Variants in RFC3 observed in about 807,000 individuals in gnomAD.
The protein encoded by RFC3 is A1 38 kDa subunit.
RFC3 carries 41 observed loss-of-function variants against 45.1 expected under a neutral mutation model. The observed-to-expected ratio is 0.91, with a 90% CI of 0.71 to 1.18. The LOEUF (loss-of-function observed/expected upper bound fraction) is 1.18, where lower values mean the gene tolerates loss of function less well. Ranked by LOEUF, RFC3 falls within the 50% of genes most tolerant of loss-of-function variation. The probability of loss-of-function intolerance (pLI) is 0.00; values close to 1 mark genes in which losing one functional copy is unlikely to be tolerated. For missense variants in RFC3, 423 were observed against 428.1 expected, an observed-to-expected ratio of 0.99 and a Z score of 0.10; for synonymous variants, 149 against 144.0, an observed-to-expected ratio of 1.03 and a Z score of -0.25.
At chr13:33,831,050 A>G (rs961827885) in intron 6 of RFC3, among the ~76,000 whole-genome samples, 195 bp downstream of exon 6, 1 of 152,194 alleles carries the variant, frequency 6.6e-6, no homozygotes, top group African/African-American at 2.4e-5. Flanking sequence ...TAAGCAGTTC[A>G]CAATACGGTT....
At chr13:33,928,278 C>G (rs571155261) in intron 8 of RFC3, among the ~76,000 whole-genome samples, 2 of 152,022 alleles carry the variant, frequency 1.3e-5, no homozygotes, top group African/African-American at 4.8e-5. Flanking sequence ...GAAATGACAA[C>G]TTGAGATGCA....
At chr13:33,849,350 A>G (rs7319222) in intron 8 of RFC3, 106,864 of 152,110 alleles carry the variant, frequency 0.7, 42,112 homozygotes, top group Non-Finnish European at 0.9. Flanking sequence ...ATTCTGGTAA[A>G]TGTTTAGCAG....
At chr13:33,830,097 A>G in intron 5 of RFC3, 80 bp downstream of exon 5, 1 of 1,286,190 alleles carries the variant, frequency 7.8e-7, no homozygotes, top group Admixed American at 1.9e-5. Context: ...AAAGAAGGGA[A>G]TCGTATCAGT....
In RFC3 at chr13:33,825,783, G is replaced by T; in HGVS notation, c.294-6G>T. 1.3e-6 allele frequency: 2 copies of T among 1,572,496 alleles called. No individual in the cohort carries two copies. The highest frequency in any genetic ancestry group is 1.7e-6 in the Non-Finnish European group (2 of 1,154,446). On this transcript the variant is annotated splice_region_variant and splice_polypyrimidine_tract_variant and intron_variant, in intron 3 of 8. Transcript: ENST00000380071. ...TACTATATACCATTATTTTTGTTTT[G>T]TGTAGTGATGCTGGAAATAGTGACC...
At chr13:33,843,564 T>C (rs1318543741) in intron 8 of RFC3, among the ~76,000 whole-genome samples, 1 of 152,218 alleles carries the variant, frequency 6.6e-6, no homozygotes, top group Non-Finnish European at 1.5e-5. Context: ...GGAAAGAGCT[T>C]GACACAGTTT....
intron 8 of RFC3, chr13:33,847,700 AT>A (rs1256547830): frequency 6.6e-6 from 1 of 152,034 alleles, no homozygotes; most frequent in African/African-American, 2.4e-5. Flanking sequence ...TTAGTTTGCA[AT>A]CCATTTTAAT....
intron 8 of RFC3, among the ~76,000 whole-genome samples, chr13:33,947,931 A>C (rs887145318): frequency 3.3e-5 from 5 of 152,228 alleles, no homozygotes; most frequent in Non-Finnish European, 7.3e-5. Flanking sequence ...CAGAGCATAA[A>C]TGTTTGGAAA....
rs746641947 is a variant in RFC3 at position 33,835,234 on chromosome 13, T to A, written c.879+17T>A. 19 of 1,570,368 alleles carry A rather than the reference T, an allele frequency of 1.2e-5. No individual in the cohort carries two copies. The highest frequency in any genetic ancestry group is 1.7e-5 in the Non-Finnish European group (19 of 1,140,468). On this transcript the variant is annotated intron_variant, in intron 8 of 8. Transcript: ENST00000380071. ...ATAATGAAGGTAACCCAATTTCAGATCTTGAACTTTTTACAGCTATAAAAT... is the reference window on the plus strand; with the variant it reads ...ATAATGAAGGTAACCCAATTTCAGAACTTGAACTTTTTACAGCTATAAAAT...
chr13:33,969,323 T>C (rs1417530710), downstream of RFC3, among the ~76,000 whole-genome samples: 1 of 152,232 alleles, frequency 6.6e-6, no homozygotes, highest in East Asian at 1.9e-4. Flanking sequence ...AGGTGAACCT[T>C]GGCAACTTAG....
At position 33,836,390 on chromosome 13, in the gene RFC3, A is replaced by G; in HGVS notation, c.*95A>G. On this transcript the variant is annotated 3_prime_UTR_variant, in exon 9 of 9. Coordinates refer to ENST00000380071, the MANE Select transcript of RFC3 (RefSeq NM_002915.4). ...GTGGGTAAATTAACTGAACTTAATC[A>G]TGTCGTATTTGCGTTTTTTTGGTAA... is the stretch of plus-strand genomic sequence containing the variant. 2 of 1,514,458 alleles carry G rather than the reference A, an allele frequency of 1.3e-6. No individual in the cohort carries two copies. Among genetic ancestry groups the G allele is most frequent in the South Asian group, 1.3e-5 (1 of 75,544 alleles). The allele number at this position is 1,514,458 out of a possible 1,614,324, so 93.8% of individuals were successfully genotyped here.
intron 2 of RFC3, among the ~76,000 whole-genome samples, chr13:33,822,576 A>G (rs1257554444): frequency 6.6e-6 from 1 of 152,170 alleles, no homozygotes; most frequent in South Asian, 2.1e-4. Flanking sequence ...GAAACTGGAA[A>G]GAGAGCTTAG....
At chr13:33,860,659 A>C (rs1271156730) in intron 8 of RFC3, among the ~76,000 whole-genome samples, 1 of 152,182 alleles carries the variant, frequency 6.6e-6, no homozygotes, top group African/African-American at 2.4e-5. Flanking sequence ...CCTGCAGGCC[A>C]AGGCAAGGAG....
chr13:33,832,733 A>G (rs1389479952), intron 7 of RFC3, among the ~76,000 whole-genome samples: 1 of 152,160 alleles, frequency 6.6e-6, no homozygotes, highest in Non-Finnish European at 1.5e-5. Flanking sequence ...ATAAAATTCA[A>G]ATAAAGCATG....
chr13:33,834,302 A>ATTT (rs1165929081), intron 7 of RFC3, among the ~76,000 whole-genome samples: 11 of 13,492 alleles, frequency 8.2e-4, no homozygotes, highest in African/African-American at 1.2e-3. Flanking sequence ...CTGTGTGTAT[A>ATTT]TATATATATA....
the RFC3 span, among the ~76,000 whole-genome samples, chr13:33,975,870 C>T: frequency 4.1e-3 from 619 of 152,268 alleles, 1 homozygote; most frequent in African/African-American, 0.014. Flanking sequence ...CTTGCTCTGT[C>T]AGCAGAGGGG....
At chr13:33,951,250 T>G (rs2082989105) in intron 8 of RFC3, among the ~76,000 whole-genome samples, 1 of 148,168 alleles carries the variant, frequency 6.7e-6, no homozygotes, top group South Asian at 2.1e-4. Context: ...TTTTTTTTTT[T>G]GAGACAGAGT....
chr13:33,895,364 A>G (rs1232852624), intron 8 of RFC3, among the ~76,000 whole-genome samples: 4 of 152,218 alleles, frequency 2.6e-5, no homozygotes, highest in Admixed American at 1.3e-4. Flanking sequence ...AAGATGTACA[A>G]ATGGCCAAAA....
chr13:33,825,757 A>T, intron 3 of RFC3, 32 bp from the exon 4 acceptor site: 1 of 1,271,554 alleles, frequency 7.9e-7, no homozygotes, highest in Non-Finnish European at 1.1e-6. Flanking sequence ...TATTAAGGGC[A>T]TACTATATAC....
chr13:33,881,004 T>C (rs2082479677), intron 8 of RFC3, among the ~76,000 whole-genome samples: 1 of 152,092 alleles, frequency 6.6e-6, no homozygotes, highest in Non-Finnish European at 1.5e-5. Context: ...TGCAGTGAGC[T>C]GAGATCGTGC....
Sources: gnomAD v4.1 joint callset for allele counts (sites outside exome capture counted in the v4.1 genomes callset) on GRCh38, gnomAD v4.1.1 for gene constraint, MANE v1.5 for transcripts, NCBI Gene and HGNC (gene_info 2026-07-23, HGNC 2026-07-21) for gene names.